The following GRM7 variants were observed in gnomAD, a reference collection of about 807,000 sequenced individuals.
GRM7 encodes the protein glutamate metabotropic receptor 7.
Under a neutral mutation model 84.5 loss-of-function variants are expected in GRM7, and 35 were observed. The ratio of observed to expected loss-of-function variants is 0.41; its 90% CI spans 0.32 to 0.55. The LOEUF (loss-of-function observed/expected upper bound fraction) is 0.55, where lower values mean the gene tolerates loss of function less well. Ranked by LOEUF, GRM7 falls within the 20% of genes least tolerant of loss-of-function variation. The probability of loss-of-function intolerance (pLI) is 0.19; values close to 1 mark genes in which losing one functional copy is unlikely to be tolerated. For missense variants in GRM7, 1,003 were observed against 1,194.6 expected (o/e 0.84, Z 2.36); for synonymous variants, 487 against 455.1 (o/e 1.07, Z -0.89).
intron 5 of GRM7, among the ~76,000 whole-genome samples, chr3:7,447,348 G>A (rs1319348772): frequency 6.6e-6 from 1 of 152,078 alleles, no homozygotes; most frequent in Non-Finnish European, 1.5e-5. Context: ...TTGTATTTCA[G>A]TGTGTGTGTG....
intron 8 of GRM7, among the ~76,000 whole-genome samples, chr3:7,621,395 T>C (rs556193972): frequency 9.2e-5 from 14 of 152,226 alleles, no homozygotes; most frequent in African/African-American, 3.1e-4. Flanking sequence ...CAACAAGAAT[T>C]GGATGTCTCA....
At chr3:7,729,869 C>CTTTTTTTTT (rs1168461157) in intron 9 of GRM7, among the ~76,000 whole-genome samples, 5 of 69,968 alleles carry the variant, frequency 7.1e-5, no homozygotes, top group East Asian at 4.5e-4. Context: ...CCACCTCCGG[C>CTTTTTTTTT]TTTTTTTTTT....
At chr3:7,226,407 G>T (rs9829495) in intron 2 of GRM7, among the ~76,000 whole-genome samples, 68,816 of 151,862 alleles carry the variant, frequency 0.45, 16,587 homozygotes, top group African/African-American at 0.62. Flanking sequence ...TTGACTGGAG[G>T]TTTTGTAGGT....
intron 2 of GRM7, among the ~76,000 whole-genome samples, chr3:7,149,990 G>A (rs1694232826): frequency 6.6e-6 from 1 of 152,066 alleles, no homozygotes; most frequent in Non-Finnish European, 1.5e-5. Context: ...CTGTCATGAT[G>A]TAAGATGGAT....
At chr3:7,610,304 T>C (rs1259604643) in intron 8 of GRM7, among the ~76,000 whole-genome samples, 1 of 152,194 alleles carries the variant, frequency 6.6e-6, no homozygotes, top group Non-Finnish European at 1.5e-5. Flanking sequence ...ATAGAGATGC[T>C]TTTTAAAGTA....
intron 2 of GRM7, among the ~76,000 whole-genome samples, chr3:7,165,585 G>A (rs1694774685): frequency 6.6e-6 from 1 of 152,098 alleles, no homozygotes; most frequent in South Asian, 2.1e-4. Flanking sequence ...CATATATATT[G>A]AATAATTCCA....
intron 1 of GRM7, among the ~76,000 whole-genome samples, chr3:6,911,781 A>G (rs1030736905): frequency 6.6e-6 from 1 of 152,212 alleles, no homozygotes; most frequent in Admixed American, 6.6e-5. Flanking sequence ...AGTTTTATTT[A>G]AGCGAAGAGT....
chr3:7,425,718 C>T (rs1696579388), intron 5 of GRM7, among the ~76,000 whole-genome samples: 1 of 152,084 alleles, frequency 6.6e-6, no homozygotes, highest in Admixed American at 6.6e-5. Context: ...TGGTTACACA[C>T]AGGTTCTGGT....
At chr3:7,056,906 G>A (rs1697245807) in intron 1 of GRM7, among the ~76,000 whole-genome samples, 1 of 151,800 alleles carries the variant, frequency 6.6e-6, no homozygotes, top group Non-Finnish European at 1.5e-5. Context: ...AGTCCTCATA[G>A]ATATCCTTAT....
rs1695103489 is a variant in GRM7 at position 7,578,994 on chromosome 3, C to G, written c.2088C>G (p.Leu696=). 6.2e-7 allele frequency: 1 copy of G among 1,614,076 alleles called. No homozygotes were observed. The change falls in exon 8 of 10, where the codon CTC becomes CTG. Residue 696 remains leucine (L), a synonymous_variant. Coordinates refer to ENST00000357716, the MANE Select transcript of GRM7 (RefSeq NM_000844.4). ...AGAAATCAGTAACAGCTCCCAGACT[C>G]ATAAGCCCAACATCACAACTGGCAA... ...QGKKSVTAPR[L]ISPTSQLAIT...
chr3:7,333,524 G>A (rs1701291793), intron 4 of GRM7, among the ~76,000 whole-genome samples: 1 of 152,076 alleles, frequency 6.6e-6, no homozygotes. Flanking sequence ...TGAAACAACT[G>A]AACCAGAAAA....
At chr3:7,438,021 A>G in intron 5 of GRM7, among the ~76,000 whole-genome samples, 1 of 152,164 alleles carries the variant, frequency 6.6e-6, no homozygotes. Flanking sequence ...ATACGGCTCT[A>G]AGATGTGACT....
intron 8 of GRM7, among the ~76,000 whole-genome samples, chr3:7,674,469 G>A (rs1008860663): frequency 1.3e-5 from 2 of 152,148 alleles, no homozygotes; most frequent in African/African-American, 4.8e-5. Context: ...TGGGATTACA[G>A]GAGTGAGCTA....
intron 1 of GRM7, among the ~76,000 whole-genome samples, chr3:7,114,471 A>G (rs1692963458): frequency 6.6e-6 from 1 of 152,198 alleles, no homozygotes; most frequent in Non-Finnish European, 1.5e-5. Context: ...TTGTTCTAAA[A>G]CAACAGAATA....
At chr3:7,458,503 G>C (rs1385986881) in intron 6 of GRM7, among the ~76,000 whole-genome samples, 1 of 152,152 alleles carries the variant, frequency 6.6e-6, no homozygotes, top group Non-Finnish European at 1.5e-5. Flanking sequence ...CATCAAAAAG[G>C]CCAAACCCAC....
At chr3:7,618,840 G>A (rs1355099043) in intron 8 of GRM7, among the ~76,000 whole-genome samples, 2 of 152,016 alleles carry the variant, frequency 1.3e-5, no homozygotes, top group Non-Finnish European at 2.9e-5. Flanking sequence ...AAGGTCCAGT[G>A]CTGTTGACCT....
intron 1 of GRM7, among the ~76,000 whole-genome samples, chr3:6,951,029 T>C (rs572505338): frequency 2.0e-5 from 3 of 152,204 alleles, no homozygotes; most frequent in African/African-American, 7.2e-5. Context: ...CTCTCCCTGC[T>C]TCGGCTCACG....
chr3:7,557,201 G>T (rs759741627), intron 7 of GRM7, among the ~76,000 whole-genome samples: 9 of 152,142 alleles, frequency 5.9e-5, no homozygotes, highest in Non-Finnish European at 1.0e-4. Flanking sequence ...GGCTCAATCT[G>T]TGGGAGGTAA....
chr3:7,173,714 C>G (rs571830289), intron 2 of GRM7, among the ~76,000 whole-genome samples: 38 of 152,264 alleles, frequency 2.5e-4, no homozygotes, highest in African/African-American at 9.1e-4. Context: ...TCCCCAGCCC[C>G]ACCCCACATT....
Sources: allele counts gnomAD v4.1 joint callset (sites outside exome capture counted in the v4.1 genomes callset), GRCh38; gene constraint gnomAD v4.1.1; transcripts MANE v1.5; gene names NCBI Gene and HGNC (gene_info 2026-07-23, HGNC 2026-07-21).